Variants in TMEFF2 observed in about 807,000 individuals in gnomAD.
The protein encoded by TMEFF2 is tomoregulin-2.
TMEFF2 carries 28 observed loss-of-function variants against 53.8 expected under a neutral mutation model. That is an observed-to-expected ratio of 0.52 (90% CI 0.39 to 0.71). The LOEUF (loss-of-function observed/expected upper bound fraction) is 0.71, where lower values mean the gene tolerates loss of function less well. Among genes scored for constraint, TMEFF2 ranks in the 30% least tolerant of loss-of-function variants. The pLI, the probability that TMEFF2 is intolerant of heterozygous loss-of-function variation, is 0.00. For missense variants in TMEFF2, 353 were observed against 455.2 expected (o/e 0.78, Z 2.04); for synonymous variants, 162 against 166.3 (o/e 0.97, Z 0.20).
chr2:192,179,101 T>C (rs1165067605), intron 4 of TMEFF2: 1 of 151,260 alleles, frequency 6.6e-6, no homozygotes, highest in Admixed American at 6.6e-5. Context: ...ACATATATCA[T>C]ACTTTAGTAA....
intron 7 of TMEFF2, among the ~76,000 whole-genome samples, chr2:191,959,334 C>A (rs1312108363): frequency 6.6e-6 from 1 of 152,126 alleles, no homozygotes; most frequent in Non-Finnish European, 1.5e-5. Flanking sequence ...TTTGAAAAAA[C>A]AATTCTGATA....
chr2:191,970,961 C>G (rs993097648), intron 7 of TMEFF2, among the ~76,000 whole-genome samples: 1 of 152,216 alleles, frequency 6.6e-6, no homozygotes, highest in East Asian at 1.9e-4. Context: ...TTGAAGTACC[C>G]GTGATTCATT....
chr2:191,965,456 C>T (rs964164363), intron 7 of TMEFF2, among the ~76,000 whole-genome samples: 1 of 152,148 alleles, frequency 6.6e-6, no homozygotes. Flanking sequence ...TTTGCCCTCT[C>T]GAAATATGTT....
chr2:192,001,597 CTA>C (rs1686361729), intron 5 of TMEFF2, among the ~76,000 whole-genome samples: 1 of 152,064 alleles, frequency 6.6e-6, no homozygotes, highest in Non-Finnish European at 1.5e-5. Flanking sequence ...CCCATAATTC[CTA>C]TGTGTTGTGG....
chr2:192,129,290 CT>C (rs1689753537), intron 4 of TMEFF2, among the ~76,000 whole-genome samples: 2 of 151,502 alleles, frequency 1.3e-5, no homozygotes, highest in South Asian at 4.2e-4. Flanking sequence ...CTTTTGTCAT[CT>C]TGAAAATATA....
intron 5 of TMEFF2, among the ~76,000 whole-genome samples, chr2:192,019,829 A>G (rs1686823146): frequency 6.6e-6 from 1 of 152,078 alleles, no homozygotes; most frequent in Non-Finnish European, 1.5e-5. Context: ...TTAGAACACT[A>G]CATGGAGAAT....
At chr2:192,153,822 A>AT (rs1452177600) in intron 4 of TMEFF2, among the ~76,000 whole-genome samples, 1 of 151,886 alleles carries the variant, frequency 6.6e-6, no homozygotes, top group African/African-American at 2.4e-5. Flanking sequence ...TGCTACTCAA[A>AT]TAGGGATGAG....
At chr2:192,137,539 G>A (rs1029846089) in intron 4 of TMEFF2, among the ~76,000 whole-genome samples, 10 of 151,996 alleles carry the variant, frequency 6.6e-5, no homozygotes, top group African/African-American at 2.2e-4. Flanking sequence ...ATTTTAGGTC[G>A]ACTTACAGAA....
intron 4 of TMEFF2, among the ~76,000 whole-genome samples, chr2:192,085,232 C>T (rs1426520232): frequency 1.3e-5 from 2 of 152,002 alleles, no homozygotes; most frequent in Non-Finnish European, 2.9e-5. Flanking sequence ...ATTTAGGAAC[C>T]ATGACAGTTC....
intron 4 of TMEFF2, among the ~76,000 whole-genome samples, chr2:192,134,863 C>A (rs1689959613): frequency 1.3e-5 from 2 of 152,122 alleles, no homozygotes; most frequent in Admixed American, 1.3e-4. Flanking sequence ...ATCAGCCAAG[C>A]ATTTTTTCAG....
At chr2:191,952,742 A>G (rs1199915558) in intron 9 of TMEFF2, among the ~76,000 whole-genome samples, 1 of 152,206 alleles carries the variant, frequency 6.6e-6, no homozygotes, top group Non-Finnish European at 1.5e-5. Context: ...GAAATGCATT[A>G]TGACCCTTAT....
intron 4 of TMEFF2, among the ~76,000 whole-genome samples, chr2:192,150,386 T>C (rs1189301142): frequency 1.3e-5 from 2 of 151,868 alleles, no homozygotes; most frequent in African/African-American, 4.8e-5. Flanking sequence ...CAAGCCTTGA[T>C]CTACAATCTT....
rs1017812823 is a variant in TMEFF2, at chr2:192,093,779, G to A, written c.440-36004C>T. ...CCAAGGTAAAAGCCTTTGTGATTAC[G>A]TTTAAACCTGGAGAACTCCAATGTT... On this transcript the variant is annotated intron_variant, in intron 4 of 9. Coordinates refer to ENST00000272771, the MANE Select transcript of TMEFF2 (RefSeq NM_016192.4). 5.3e-5 allele frequency among the ~76,000 whole-genome samples: 8 copies of A among 150,606 alleles called. No individual in the cohort carries two copies. The Admixed American group carries it at 5.3e-4, about 10-fold the overall frequency.
intron 7 of TMEFF2, among the ~76,000 whole-genome samples, chr2:191,956,961 A>AGTGATTTT (rs1692120551): frequency 5.9e-5 from 9 of 152,342 alleles, no homozygotes; most frequent in Admixed American, 6.5e-5. Context: ...CTATTAAATA[A>AGTGATTTT]GAAAACGTTA....
intron 4 of TMEFF2, among the ~76,000 whole-genome samples, chr2:192,074,464 A>G (rs1252252045): frequency 6.6e-6 from 1 of 151,882 alleles, no homozygotes; most frequent in African/African-American, 2.4e-5. Context: ...ACTATTTTAT[A>G]TATCTTTTTG....
intron 4 of TMEFF2, among the ~76,000 whole-genome samples, chr2:192,066,086 A>G (rs1181092675): frequency 2.0e-5 from 3 of 151,858 alleles, no homozygotes; most frequent in African/African-American, 4.8e-5. Context: ...CTTTAAAGAA[A>G]AATAAGAACA....
At chr2:192,086,028 T>C (rs1559120003) in intron 4 of TMEFF2, among the ~76,000 whole-genome samples, 1 of 152,178 alleles carries the variant, frequency 6.6e-6, no homozygotes, top group East Asian at 1.9e-4. Context: ...CTCCCATCAA[T>C]ACTATAGGCC....
At chr2:192,136,222 T>C (rs1483316022) in intron 4 of TMEFF2, among the ~76,000 whole-genome samples, 1 of 152,262 alleles carries the variant, frequency 6.6e-6, no homozygotes, top group Non-Finnish European at 1.5e-5. Flanking sequence ...GGATTAGCTA[T>C]AATTACAATT....
chr2:192,175,101 G>A (rs1298133213), intron 4 of TMEFF2, among the ~76,000 whole-genome samples: 1 of 151,590 alleles, frequency 6.6e-6, no homozygotes, highest in Admixed American at 6.6e-5. Context: ...ATCTCCATGA[G>A]TGTAAAGAAC....
Sources: gnomAD v4.1 joint callset for allele counts (sites outside exome capture counted in the v4.1 genomes callset) on GRCh38, gnomAD v4.1.1 for gene constraint, MANE v1.5 for transcripts, NCBI Gene and HGNC (gene_info 2026-07-23, HGNC 2026-07-21) for gene names.